Variants in TRAP1 observed in about 807,000 individuals in gnomAD.
TRAP1 encodes heat shock protein 75 kDa, mitochondrial.
TRAP1 carries 102 observed loss-of-function variants against 89.1 expected under a neutral mutation model. The ratio of observed to expected loss-of-function variants is 1.15; its 90% CI spans 0.98 to 1.35. The LOEUF (loss-of-function observed/expected upper bound fraction) is 1.35, where lower values mean the gene tolerates loss of function less well. Among genes scored for constraint, TRAP1 ranks in the 40% most tolerant of loss-of-function variants. The pLI is 0.00. For missense variants in TRAP1, 1,256 were observed against 945.3 expected (o/e 1.33, Z -4.31); for synonymous variants, 508 against 388.0 (o/e 1.31, Z -3.64).
rs140501072 is a variant in TRAP1, at chr16:3,666,030, C to A, written c.1324G>T (p.Glu442Ter). 5 of 1,614,114 alleles carry A rather than the reference C, an allele frequency of 3.1e-6. No individual in the cohort carries two copies. In the Admixed American group the frequency reaches 8.3e-5, roughly 27 times the overall value. ...KDAEKYAKFF[E>*]DYGLFMREGI... ...TCCCGCATGAACAGGCCGTAATCTTCAAAAAACTTTGCATACTTCTCAGCA... is the reference window on the plus strand; with the variant it reads ...TCCCGCATGAACAGGCCGTAATCTTAAAAAAACTTTGCATACTTCTCAGCA... Residue 442 changes from glutamate (E) to a stop codon, truncating the protein, a stop_gained, in exon 12 of 18, where the codon GAA (glutamate) becomes TAA (stop). Coordinates refer to ENST00000246957, the MANE Select transcript of TRAP1 (RefSeq NM_016292.3). LOFTEE classifies it high-confidence loss of function.
chr16:3,690,218 T>A (rs1165701213), intron 2 of TRAP1, among the ~76,000 whole-genome samples: 1 of 152,112 alleles, frequency 6.6e-6, no homozygotes, highest in African/African-American at 2.4e-5. Flanking sequence ...CTTGCCCAGG[T>A]TGGTCTCGAC....
At chr16:3,681,238 G>T (rs2051069783) in intron 4 of TRAP1, among the ~76,000 whole-genome samples, 1 of 152,198 alleles carries the variant, frequency 6.6e-6, no homozygotes, top group South Asian at 2.1e-4. Flanking sequence ...CTTCTAGGAA[G>T]TTCCTTTCTA....
chr16:3,687,348 T>C (rs1209788627), intron 3 of TRAP1: 1 of 152,174 alleles, frequency 6.6e-6, no homozygotes, highest in Non-Finnish European at 1.5e-5. Flanking sequence ...CACATGGAGG[T>C]GTAAGTCCAA....
intron 8 of TRAP1, 88 bp from the exon 9 acceptor site, chr16:3,674,582 G>T: frequency 6.7e-7 from 1 of 1,503,562 alleles, no homozygotes; most frequent in Non-Finnish European, 9.0e-7. Flanking sequence ...TGCAGCGCCT[G>T]GCCCTGGACA....
chr16:3,670,920 CCT>C (rs1485160732), intron 11 of TRAP1, among the ~76,000 whole-genome samples: 1 of 152,098 alleles, frequency 6.6e-6, no homozygotes, highest in Non-Finnish European at 1.5e-5. Context: ...AGGACCAGTG[CCT>C]CTCGGTGTGG....
intron 3 of TRAP1, among the ~76,000 whole-genome samples, chr16:3,688,163 T>A (rs1033579601): frequency 6.6e-6 from 1 of 150,924 alleles, no homozygotes; most frequent in African/African-American, 2.5e-5. Flanking sequence ...CCCAAATGAG[T>A]TTTGCGGGGT....
At chr16:3,686,508 GGTCTCGCTAT>G (rs1327678127) in intron 3 of TRAP1, among the ~76,000 whole-genome samples, 1 of 152,046 alleles carries the variant, frequency 6.6e-6, no homozygotes, top group Non-Finnish European at 1.5e-5. Context: ...ATAGACACAG[GGTCTCGCTAT>G]GTTGCCCAGG....
At chr16:3,690,441 G>C (rs750214617) in intron 2 of TRAP1, among the ~76,000 whole-genome samples, 7 of 152,196 alleles carry the variant, frequency 4.6e-5, no homozygotes, top group Non-Finnish European at 1.0e-4. Context: ...GCCACTTCAG[G>C]ACTGGCTCCA....
At chr16:3,672,153 T>C (rs2050922658) in intron 10 of TRAP1, among the ~76,000 whole-genome samples, 1 of 152,150 alleles carries the variant, frequency 6.6e-6, no homozygotes. Context: ...CCGGCAATTA[T>C]GGTGAAACCC....
intron 4 of TRAP1, among the ~76,000 whole-genome samples, chr16:3,684,920 A>G (rs1444822012): frequency 6.6e-6 from 1 of 152,246 alleles, no homozygotes; most frequent in East Asian, 1.9e-4. Context: ...TAAATCTAGA[A>G]CTGTTCTTTA....
At chr16:3,689,867 G>C (rs1323109457) in intron 2 of TRAP1, 3 of 152,356 alleles carry the variant, frequency 2.0e-5, no homozygotes, top group Non-Finnish European at 4.4e-5. Context: ...AAGTCTCTCA[G>C]AAAGGAGGTC....
At chr16:3,693,706 T>C (rs2051247480) in intron 1 of TRAP1, among the ~76,000 whole-genome samples, 1 of 152,104 alleles carries the variant, frequency 6.6e-6, no homozygotes, top group Non-Finnish European at 1.5e-5. Flanking sequence ...AGGTCCACAG[T>C]TCTGAGCCAG....
At chr16:3,686,516 T>C (rs929031587) in intron 3 of TRAP1, among the ~76,000 whole-genome samples, 1 of 152,186 alleles carries the variant, frequency 6.6e-6, no homozygotes, top group African/African-American at 2.4e-5. Flanking sequence ...AGGGTCTCGC[T>C]ATGTTGCCCA....
rs772852447 is a variant in TRAP1 at position 3,658,885 on chromosome 16, A to G, written c.1941-20T>C. The G allele has an allele frequency of 6.2e-7, 1 of 1,613,758 alleles. No individual in the cohort carries two copies. The highest frequency in any genetic ancestry group is 8.5e-7 in the Non-Finnish European group (1 of 1,179,748). On this transcript the variant is annotated intron_variant, in intron 16 of 17. Transcript: ENST00000246957. ...GCGTGCCTGCAACACAGAACCCACC[A>G]GAAAAAGCAGCTCAGTACCACGTGC...
rs1252309473 is a variant in TRAP1, at chr16:3,663,544, G to A, written c.1588C>T (p.Gln530Ter). 1.2e-6 allele frequency: 2 copies of A among 1,613,980 alleles called. No individual in the cohort carries two copies. Among genetic ancestry groups the A allele is most frequent in the South Asian group, 1.1e-5 (1 of 91,080 alleles). ...KDTEVLFCFE[Q>*]FDELTLLHLR... The stretch of plus-strand genomic sequence containing the variant: ...TGCAGCAGGGTGAGCTCATCAAACT[G>A]CTCAAAGCAGAAGAGAACCTGCAGG... Residue 530 changes from glutamine (Q) to a stop codon, truncating the protein, a stop_gained, in exon 14 of 18, where the codon CAG becomes TAG. Coordinates refer to ENST00000246957, the MANE Select transcript of TRAP1 (RefSeq NM_016292.3). LOFTEE classifies it high-confidence loss of function.
intron 1 of TRAP1, among the ~76,000 whole-genome samples, chr16:3,706,881 T>C (rs1567245912): frequency 2.0e-5 from 3 of 152,138 alleles, no homozygotes; most frequent in South Asian, 2.1e-4. Context: ...CTACAAGGTA[T>C]GTGCCTCAGG....
intron 1 of TRAP1, among the ~76,000 whole-genome samples, chr16:3,712,398 T>A (rs1257623379): frequency 2.0e-5 from 3 of 149,742 alleles, no homozygotes; most frequent in African/African-American, 7.4e-5. Context: ...CTTTGTCACA[T>A]GGTATTTACT....
At chr16:3,663,019 CT>C (rs772623721) in intron 14 of TRAP1, 52 bp from the exon 15 acceptor site, 97 of 1,443,934 alleles carry the variant, frequency 6.7e-5, no homozygotes, top group Non-Finnish European at 8.1e-5. Context: ...AACTCCCCGG[CT>C]TCCATGGGGG....
intron 1 of TRAP1, among the ~76,000 whole-genome samples, chr16:3,693,091 T>G (rs1596736095): frequency 6.6e-6 from 1 of 152,220 alleles, no homozygotes; most frequent in Admixed American, 6.6e-5. Flanking sequence ...TAGCTGGGAC[T>G]ACAGGCACCA....
Sources: allele counts gnomAD v4.1 joint callset (sites outside exome capture counted in the v4.1 genomes callset), GRCh38; gene constraint gnomAD v4.1.1; transcripts MANE v1.5; gene names NCBI Gene and HGNC (gene_info 2026-07-23, HGNC 2026-07-21).